PPP1CC: variants seen among roughly 807,000 people sequenced by gnomAD.
PPP1CC encodes the protein serine/threonine-protein phosphatase PP1-gamma catalytic subunit.
Under a neutral mutation model 38.4 loss-of-function variants are expected in PPP1CC, and 16 were observed. The observed-to-expected ratio is 0.42, with a 90% CI of 0.28 to 0.63. PPP1CC has a LOEUF of 0.63. Ranked by LOEUF, PPP1CC falls within the 30% of genes least tolerant of loss-of-function variation. The pLI is 0.25. For missense variants in PPP1CC, 170 were observed against 391.3 expected, an observed-to-expected ratio of 0.43 and a Z score of 4.77; for synonymous variants, 158 against 136.0, an observed-to-expected ratio of 1.16 and a Z score of -1.13.
intron 3 of PPP1CC, among the ~76,000 whole-genome samples, chr12:110,727,987 CA>C (rs2069821241): frequency 1.3e-5 from 2 of 152,198 alleles, no homozygotes; most frequent in African/African-American, 4.8e-5. Context: ...GAAACTGATG[CA>C]GCCAGTATCA....
intron 3 of PPP1CC, chr12:110,725,317 CAT>C (rs1206101243): frequency 6.6e-6 from 1 of 152,354 alleles, no homozygotes; most frequent in Admixed American, 6.5e-5. Context: ...CGAACTTACA[CAT>C]GTGGCGTTAT....
In PPP1CC at chr12:110,732,083, T is replaced by G; in HGVS notation, c.56-182A>C. ...TCTTAAAATCTTAGACAAGACTTAA[T>G]TGCATCTTCGATACCAAGTAAGACT... On this transcript the variant is annotated intron_variant, in intron 1 of 6. Transcript: ENST00000335007. 6 of 648,554 alleles carry G rather than the reference T, an allele frequency of 9.3e-6. No homozygotes were observed. In the South Asian group the frequency reaches 1.3e-4, roughly 14 times the overall value. The allele number at this position is 648,554 out of a possible 1,614,324, so 40.2% of individuals were successfully genotyped here.
intron 3 of PPP1CC, among the ~76,000 whole-genome samples, chr12:110,727,638 G>A (rs1450930753): frequency 2.0e-5 from 3 of 150,670 alleles, no homozygotes; most frequent in Non-Finnish European, 4.4e-5. Flanking sequence ...AGAAATGGTA[G>A]TATAAAGTAC....
chr12:110,732,281 G>A, intron 1 of PPP1CC: 1 of 283,438 alleles, frequency 3.5e-6, no homozygotes, highest in Non-Finnish European at 6.5e-6. Context: ...AACATGGCGT[G>A]CACCTGTAAT....
rs1366801038 is a variant in PPP1CC, at chr12:110,728,400, A to C, written c.418+2129T>G. ...GCGACAGAGCGAGACTCCGTCTCAA[A>C]AAAAAAAAAAAAAACAAAAAACAAA... On this transcript the variant is annotated intron_variant, in intron 3 of 6. Coordinates refer to ENST00000335007, the MANE Select transcript of PPP1CC (RefSeq NM_002710.4). Among the ~76,000 whole-genome samples the C allele has an allele frequency of 4.6e-4, 69 of 148,522 alleles. 1 individual carries two copies. Among genetic ancestry groups the C allele is most frequent in the Non-Finnish European group, 7.5e-4 (51 of 67,574 alleles).
the PPP1CC span, among the ~76,000 whole-genome samples, chr12:110,713,678 G>A: frequency 6.6e-6 from 1 of 152,164 alleles, no homozygotes; most frequent in Non-Finnish European, 1.5e-5. Context: ...TAACAGAGCT[G>A]TTCTGATTTT....
chr12:110,730,900 A>AC, intron 2 of PPP1CC, 141 bp from the exon 3 acceptor site: 1 of 605,534 alleles, frequency 1.7e-6, no homozygotes, highest in Non-Finnish European at 2.8e-6. Flanking sequence ...GGCAGCCAAC[A>AC]CTAAGTAATT....
chr12:110,723,110 C>T (rs1210713746), intron 4 of PPP1CC, among the ~76,000 whole-genome samples: 1 of 152,204 alleles, frequency 6.6e-6, no homozygotes, highest in African/African-American at 2.4e-5. Context: ...GAAACCTGCA[C>T]TGTTCACAGA....
intron 1 of PPP1CC, chr12:110,734,827 C>A (rs2069923153): frequency 6.5e-6 from 1 of 152,714 alleles, no homozygotes; most frequent in African/African-American, 2.4e-5. Flanking sequence ...TCCAAGTGAA[C>A]ACTGGAGAGT....
Position 110,728,415 on chromosome 12 carries a change from C to CAA in PPP1CC, c.418+2112_418+2113dup, listed in dbSNP as rs1310771123. ...TCCGTCTCAAAAAAAAAAAAAAAAA[C>CAA]AAAAAACAAAAAACTCAAGAGTAAC... is the stretch of plus-strand genomic sequence containing the variant. On this transcript the variant is annotated intron_variant, in intron 3 of 6. Coordinates refer to ENST00000335007, the MANE Select transcript of PPP1CC (RefSeq NM_002710.4). 4.3e-5 allele frequency among the ~76,000 whole-genome samples: 6 copies of CAA among 139,590 alleles called. 1 individual carries two copies. The highest frequency in any genetic ancestry group is 1.6e-4 in the African/African-American group (6 of 38,292). 91.6% of individuals were successfully genotyped at this position (139,590 alleles called of 152,430 possible).
Position 110,720,862 on chromosome 12 carries a change from A to C in PPP1CC, c.*214T>G. ...AAAATTGTTTGCAAAAGGAACAGAG[A>C]ATTAAAAAACAAAACACTTTTCTTT... On this transcript the variant is annotated 3_prime_UTR_variant, in exon 7 of 7. Coordinates refer to ENST00000335007, the MANE Select transcript of PPP1CC (RefSeq NM_002710.4). 1 of 444,158 alleles carries C rather than the reference A, an allele frequency of 2.3e-6. No individual in the cohort carries two copies. The highest frequency in any genetic ancestry group is 4.1e-6 in the Non-Finnish European group (1 of 245,862). 27.5% of individuals were successfully genotyped at this position (444,158 alleles called of 1,614,324 possible).
At chr12:110,717,131 A>AG (rs938740205), downstream of PPP1CC, among the ~76,000 whole-genome samples, 4 of 152,192 alleles carry the variant, frequency 2.6e-5, no homozygotes, top group African/African-American at 9.7e-5. Context: ...CTTATGACTA[A>AG]GGCAAGTTGT....
chr12:110,709,589 C>T, the PPP1CC span, among the ~76,000 whole-genome samples: 3 of 151,482 alleles, frequency 2.0e-5, no homozygotes, highest in East Asian at 5.8e-4. Flanking sequence ...GACGGAGTCT[C>T]ACTCTGTTGC....
intron 3 of PPP1CC, among the ~76,000 whole-genome samples, chr12:110,727,186 A>G (rs1202319904): frequency 6.6e-6 from 1 of 152,186 alleles, no homozygotes; most frequent in African/African-American, 2.4e-5. Flanking sequence ...CCTGACCTCA[A>G]GTGATCCACC....
intron 2 of PPP1CC, 102 bp downstream of exon 2, chr12:110,731,666 CAA>C (rs1324471386): frequency 7.6e-7 from 1 of 1,316,970 alleles, no homozygotes; most frequent in Non-Finnish European, 1.0e-6. Context: ...AAGCTATTCG[CAA>C]ACAGGATAAT....
chr12:110,739,233 G>A (rs1295088943), intron 1 of PPP1CC, among the ~76,000 whole-genome samples: 1 of 151,992 alleles, frequency 6.6e-6, no homozygotes, highest in African/African-American at 2.4e-5. Context: ...GCTTGAACCC[G>A]GGAGGCAGAG....
downstream of PPP1CC, among the ~76,000 whole-genome samples, chr12:110,716,734 T>A (rs962850642): frequency 1.3e-5 from 2 of 152,242 alleles, no homozygotes; most frequent in East Asian, 1.9e-4. Flanking sequence ...ATCTTTCAAA[T>A]AACTGACATA....
chr12:110,735,532 A>T (rs2069933248), intron 1 of PPP1CC, among the ~76,000 whole-genome samples: 1 of 152,228 alleles, frequency 6.6e-6, no homozygotes, highest in African/African-American at 2.4e-5. Context: ...CTGTAATCCC[A>T]ACACTTTGGG....
intron 1 of PPP1CC, among the ~76,000 whole-genome samples, chr12:110,737,161 G>C (rs1343942003): frequency 6.6e-6 from 1 of 152,166 alleles, no homozygotes; most frequent in Non-Finnish European, 1.5e-5. Flanking sequence ...TCTGCAAAAA[G>C]TATAAACCAC....
Sources: allele counts gnomAD v4.1 joint callset (sites outside exome capture counted in the v4.1 genomes callset), GRCh38; gene constraint gnomAD v4.1.1; transcripts MANE v1.5; gene names NCBI Gene and HGNC (gene_info 2026-07-23, HGNC 2026-07-21).